The following RAD18 variants were observed in gnomAD, a reference collection of about 807,000 sequenced individuals.
RAD18 encodes the protein E3 ubiquitin-protein ligase RAD18.
RAD18 carries 47 observed loss-of-function variants against 60.4 expected under a neutral mutation model. The ratio of observed to expected loss-of-function variants is 0.78; its 90% CI spans 0.62 to 0.99. The LOEUF (loss-of-function observed/expected upper bound fraction) is 0.99, where lower values mean the gene tolerates loss of function less well. Among genes scored for constraint, RAD18 ranks in the 50% least tolerant of loss-of-function variants. The pLI is 0.00. For synonymous variants in RAD18, 225 were observed against 195.5 expected, an observed-to-expected ratio of 1.15 and a Z score of -1.26; for missense variants, 640 against 593.3, an observed-to-expected ratio of 1.08 and a Z score of -0.82.
intron 1 of RAD18, among the ~76,000 whole-genome samples, chr3:8,961,781 C>T (rs1941097964): frequency 6.6e-6 from 1 of 152,178 alleles, no homozygotes; most frequent in Non-Finnish European, 1.5e-5. Context: ...TGGTGCCAAA[C>T]TCTACATTCA....
At chr3:8,895,794 T>C (rs1939772924) in intron 11 of RAD18, among the ~76,000 whole-genome samples, 1 of 152,260 alleles carries the variant, frequency 6.6e-6, no homozygotes, top group South Asian at 2.1e-4. Context: ...CATTAGTTTG[T>C]TGTGTAGTCT....
At chr3:8,930,901 T>C (rs2125063046) in intron 7 of RAD18, among the ~76,000 whole-genome samples, 1 of 152,262 alleles carries the variant, frequency 6.6e-6, no homozygotes, top group South Asian at 2.1e-4. Context: ...AAAAATCAGA[T>C]GAAAGTCAGA....
intron 7 of RAD18, among the ~76,000 whole-genome samples, chr3:8,930,094 A>G (rs1940524994): frequency 6.6e-6 from 1 of 152,230 alleles, no homozygotes; most frequent in Non-Finnish European, 1.5e-5. Flanking sequence ...AGAAATGAAA[A>G]CATATGTCGA....
intron 2 of RAD18, among the ~76,000 whole-genome samples, chr3:8,955,202 C>G (rs892488545): frequency 6.6e-6 from 1 of 152,160 alleles, no homozygotes; most frequent in Non-Finnish European, 1.5e-5. Context: ...AAGCAAAGGT[C>G]TGGACTAGTA....
At chr3:8,895,099 G>T (rs148188036) in intron 11 of RAD18, among the ~76,000 whole-genome samples, 2 of 151,434 alleles carry the variant, frequency 1.3e-5, no homozygotes, top group African/African-American at 4.8e-5. Context: ...ACTGTTTCAT[G>T]TTCTCACATT....
intron 10 of RAD18, 76 bp from the exon 11 acceptor site, chr3:8,899,123 C>T: frequency 8.7e-7 from 1 of 1,146,734 alleles, no homozygotes; most frequent in Non-Finnish European, 1.2e-6. Flanking sequence ...ACACTTAATA[C>T]TGCCATGTGC....
chr3:8,937,410 C>T (rs762604390), intron 6 of RAD18, among the ~76,000 whole-genome samples: 7 of 151,994 alleles, frequency 4.6e-5, no homozygotes, highest in Admixed American at 1.3e-4. Context: ...TCCCCAAACA[C>T]GAAAATGACA....
chr3:8,959,625 G>A (rs1248242271), intron 1 of RAD18, among the ~76,000 whole-genome samples: 2 of 152,198 alleles, frequency 1.3e-5, no homozygotes, highest in African/African-American at 2.4e-5. Context: ...TGAAAGCAGA[G>A]GAAGGGAAAG....
intron 6 of RAD18, 80 bp from the exon 7 acceptor site, chr3:8,936,135 T>C: frequency 7.6e-7 from 1 of 1,312,598 alleles, no homozygotes; most frequent in African/African-American, 1.5e-5. Context: ...AAATTCTGAT[T>C]CAACACCTGG....
chr3:8,878,077 A>C lies in RAD18; in HGVS notation c.*3280T>G, dbSNP rs1163121439. 2.0e-5 allele frequency: 3 copies of C among 152,330 alleles called. No homozygotes were observed. Among genetic ancestry groups the C allele is most frequent in the Non-Finnish European group, 4.4e-5 (3 of 68,176 alleles). 9.4% of individuals were successfully genotyped at this position (152,330 alleles called of 1,614,324 possible). The stretch of plus-strand genomic sequence containing the variant: ...CGTCCTAGGCAAGGTAGGACTTTCC[A>C]GCAGGGCCAGCCGCAGTGCACGTGA... On this transcript the variant is annotated 3_prime_UTR_variant, in exon 13 of 13. Transcript: ENST00000264926.
intron 7 of RAD18, among the ~76,000 whole-genome samples, chr3:8,917,173 C>T (rs960262627): frequency 3.3e-5 from 5 of 152,058 alleles, no homozygotes; most frequent in Non-Finnish European, 5.9e-5. Flanking sequence ...ATCTTTAAAG[C>T]ATTAGAAAAA....
chr3:8,920,467 G>C (rs1051005888), intron 7 of RAD18, among the ~76,000 whole-genome samples: 3 of 152,018 alleles, frequency 2.0e-5, no homozygotes, highest in African/African-American at 7.3e-5. Flanking sequence ...CTAAATATAG[G>C]GGTGAAATCT....
chr3:8,936,019 T>C lies in RAD18; in HGVS notation c.741A>G (p.Val247=), dbSNP rs777041647. ...AATCACGATCAGAGAGCAAATTATATACAGTTTTGGGCAGCGGCTTCCTTT... is the reference window on the plus strand; with the variant it reads ...AATCACGATCAGAGAGCAAATTATACACAGTTTTGGGCAGCGGCTTCCTTT... The part of the protein sequence containing the change: ...VHKRKPLPKT[V]YNLLSDRDLK... The change falls in exon 7 of 13, where the codon GTA becomes GTG. Residue 247 remains valine, a synonymous_variant. Transcript: ENST00000264926. The C allele has an allele frequency of 3.1e-6, 5 of 1,607,754 alleles. No homozygotes were observed. In the South Asian group the frequency reaches 3.3e-5, roughly 11 times the overall value.
chr3:8,913,713 T>C lies in RAD18; in HGVS notation c.897A>G (p.Glu299=), dbSNP rs1422582628. Reference sequence around the variant, plus strand: ...CTATATTTTCGATTTCTCGAACTATTTCAGCAGCTGTTAAAATAAGAAAAT... The same window carrying C: ...CTATATTTTCGATTTCTCGAACTATCTCAGCAGCTGTTAAAATAAGAAAAT... ...CDALHPKSAA[E]IVREIENIEK... The change falls in exon 8 of 13, where the codon GAA becomes GAG. Residue 299 remains glutamate, a synonymous_variant. Transcript: ENST00000264926. 1.0e-5 allele frequency: 16 copies of C among 1,554,028 alleles called. No homozygotes were observed. Among genetic ancestry groups the C allele is most frequent in the African/African-American group, 1.4e-5 (1 of 72,570 alleles).
At chr3:8,920,677 T>C (rs564065659) in intron 7 of RAD18, among the ~76,000 whole-genome samples, 2 of 152,274 alleles carry the variant, frequency 1.3e-5, no homozygotes, top group East Asian at 3.9e-4. Flanking sequence ...TATAGTATTC[T>C]GGCCAGGAAG....
At chr3:8,943,613 T>G (rs1252642122) in intron 4 of RAD18, among the ~76,000 whole-genome samples, 2 of 151,504 alleles carry the variant, frequency 1.3e-5, no homozygotes, top group Admixed American at 6.6e-5. Flanking sequence ...TCAGCAATAC[T>G]AGAAAAACCA....
At chr3:8,927,135 G>T (rs903492225) in intron 7 of RAD18, among the ~76,000 whole-genome samples, 71 of 152,202 alleles carry the variant, frequency 4.7e-4, no homozygotes, top group African/African-American at 1.6e-3. Flanking sequence ...CTACAGAATG[G>T]GAGAAAATTT....
intron 7 of RAD18, among the ~76,000 whole-genome samples, chr3:8,924,533 A>T (rs1940390057): frequency 2.1e-5 from 3 of 141,630 alleles, no homozygotes; most frequent in African/African-American, 2.6e-5. Flanking sequence ...GATATCCAGG[A>T]ATTGAACTCA....
At position 8,905,335 on chromosome 3, in the gene RAD18, C is replaced by T. The variant is rs752630029; in HGVS notation, c.1028-2815G>A. 3.9e-5 allele frequency among the ~76,000 whole-genome samples: 6 copies of T among 152,312 alleles called. No individual in the cohort carries two copies. The East Asian group carries it at 9.7e-4, about 25-fold the overall frequency. ...TTTTAGAACGAAATCAAGCCCTTTA[C>T]TCCCTGATCACTTTAACTACTCTTC... On this transcript the variant is annotated intron_variant, in intron 9 of 12. Transcript: ENST00000264926.
Sources: allele counts gnomAD v4.1 joint callset (sites outside exome capture counted in the v4.1 genomes callset), GRCh38; gene constraint gnomAD v4.1.1; transcripts MANE v1.5; gene names NCBI Gene and HGNC (gene_info 2026-07-23, HGNC 2026-07-21).